JAK2: variants seen among roughly 807,000 people sequenced by gnomAD.
JAK2 encodes the protein Janus kinase 2.
JAK2 carries 86 observed loss-of-function variants against 139.3 expected under a neutral mutation model. The ratio of observed to expected loss-of-function variants is 0.62; its 90% CI spans 0.52 to 0.74. JAK2 has a LOEUF of 0.74. Ranked by LOEUF, JAK2 falls within the 30% of genes least tolerant of loss-of-function variation. The pLI is 0.00. For synonymous variants in JAK2, 490 were observed against 437.7 expected, an observed-to-expected ratio of 1.12 and a Z score of -1.49; for missense variants, 1,421 against 1,360.3, an observed-to-expected ratio of 1.04 and a Z score of -0.70.
intron 10 of JAK2, among the ~76,000 whole-genome samples, chr9:5,067,403 A>G (rs944270281): frequency 3.9e-5 from 6 of 152,272 alleles, no homozygotes; most frequent in African/African-American, 1.2e-4. Context: ...TATAAATCCT[A>G]AGAAACTATA....
intron 2 of JAK2, among the ~76,000 whole-genome samples, chr9:4,997,450 G>C (rs1349100174): frequency 6.6e-6 from 1 of 152,128 alleles, no homozygotes; most frequent in Non-Finnish European, 1.5e-5. Flanking sequence ...GAGAATGTGG[G>C]GAAGGTGCAC....
At chr9:5,038,669 C>A (rs1001542129) in intron 4 of JAK2, among the ~76,000 whole-genome samples, 2 of 149,488 alleles carry the variant, frequency 1.3e-5, no homozygotes, top group African/African-American at 2.5e-5. Context: ...ATATAAAAAT[C>A]TAAAGTCTGA....
At chr9:4,992,066 C>A (rs1820287887) in intron 2 of JAK2, among the ~76,000 whole-genome samples, 1 of 152,162 alleles carries the variant, frequency 6.6e-6, no homozygotes, top group Non-Finnish European at 1.5e-5. Flanking sequence ...TTTGTTTTTG[C>A]TCCACAATGG....
intron 8 of JAK2, among the ~76,000 whole-genome samples, chr9:5,064,472 G>A (rs1195576199): frequency 6.6e-6 from 1 of 151,546 alleles, no homozygotes; most frequent in African/African-American, 2.4e-5. Flanking sequence ...GGAGGTTGCA[G>A]TGAGCCAAGA....
At chr9:5,105,575 A>T (rs1295109064) in intron 22 of JAK2, among the ~76,000 whole-genome samples, 1 of 152,212 alleles carries the variant, frequency 6.6e-6, no homozygotes, top group Non-Finnish European at 1.5e-5. Flanking sequence ...TTTCAAGTTC[A>T]TATGGAACCA....
At chr9:5,083,515 A>G (rs1819861261) in intron 19 of JAK2, among the ~76,000 whole-genome samples, 1 of 152,166 alleles carries the variant, frequency 6.6e-6, no homozygotes, top group Admixed American at 6.5e-5. Context: ...TATAGCATTT[A>G]TTGTTTCTTT....
chr9:5,044,856 T>C (rs1490505149), intron 5 of JAK2, among the ~76,000 whole-genome samples: 1 of 152,196 alleles, frequency 6.6e-6, no homozygotes, highest in Admixed American at 6.5e-5. Flanking sequence ...ATTAGTAACA[T>C]TTCTTTATGG....
intron 22 of JAK2, chr9:5,112,862 C>A: frequency 2.2e-6 from 1 of 459,772 alleles, no homozygotes; most frequent in South Asian, 7.0e-5. Flanking sequence ...GGTACGCCTC[C>A]GTGGGACGAG....
At chr9:5,000,774 T>C (rs149202557) in intron 2 of JAK2, among the ~76,000 whole-genome samples, 2 of 152,214 alleles carry the variant, frequency 1.3e-5, no homozygotes, top group African/African-American at 4.8e-5. Flanking sequence ...TCTTGTTTGA[T>C]ATATTTGTAT....
intron 12 of JAK2, among the ~76,000 whole-genome samples, chr9:5,070,718 G>GA (rs538151917): frequency 3.9e-5 from 6 of 151,932 alleles, no homozygotes; most frequent in Non-Finnish European, 8.8e-5. Context: ...TGGATTTATT[G>GA]AAAAAAACCC....
intron 19 of JAK2, among the ~76,000 whole-genome samples, chr9:5,089,147 A>ATAAT (rs1198330498): frequency 6.6e-6 from 1 of 152,208 alleles, no homozygotes; most frequent in Non-Finnish European, 1.5e-5. Flanking sequence ...ATTTCAGCCT[A>ATAAT]TAATTCCTTT....
chr9:5,096,363 G>C (rs561612354), intron 22 of JAK2, among the ~76,000 whole-genome samples: 6 of 152,226 alleles, frequency 3.9e-5, no homozygotes, highest in African/African-American at 1.2e-4. Context: ...ACTCTATTCT[G>C]CATCAGTTGA....
intron 2 of JAK2, among the ~76,000 whole-genome samples, chr9:5,016,818 A>G (rs10974915): frequency 0.35 from 52,816 of 152,074 alleles, 9,822 homozygotes; most frequent in African/African-American, 0.49. Flanking sequence ...AAGAAATGGA[A>G]GGATATGGAA....
chr9:4,996,402 C>T (rs1015476258), intron 2 of JAK2, among the ~76,000 whole-genome samples: 8 of 151,812 alleles, frequency 5.3e-5, no homozygotes, highest in Non-Finnish European at 7.4e-5. Flanking sequence ...GAGCTGAGAT[C>T]GTGCCATTGC....
At chr9:5,041,463 T>C (rs1816504969) in intron 4 of JAK2, 9 of 609,274 alleles carry the variant, frequency 1.5e-5, no homozygotes, top group Non-Finnish European at 2.5e-5. Flanking sequence ...TGGCAGGGGC[T>C]CAAGGCTGAC....
At chr9:5,043,671 T>C (rs1041090811) in intron 4 of JAK2, among the ~76,000 whole-genome samples, 3 of 152,094 alleles carry the variant, frequency 2.0e-5, no homozygotes, top group Admixed American at 1.3e-4. Context: ...TTATTCACAA[T>C]AGAAAAATAA....
intron 22 of JAK2, among the ~76,000 whole-genome samples, chr9:5,118,686 A>T (rs994248265): frequency 1.3e-5 from 2 of 152,226 alleles, no homozygotes; most frequent in African/African-American, 4.8e-5. Flanking sequence ...TTGTTTGTGT[A>T]AGTGAGTGGA....
intron 2 of JAK2, among the ~76,000 whole-genome samples, chr9:5,011,937 G>C (rs747935176): frequency 2.0e-5 from 3 of 152,188 alleles, no homozygotes; most frequent in Admixed American, 2.0e-4. Context: ...ATATTTACCA[G>C]TTCCCTCTAA....
chr9:5,072,459 C>A, intron 12 of JAK2, 33 bp from the exon 13 acceptor site: 1 of 1,480,664 alleles, frequency 6.8e-7, no homozygotes, highest in Non-Finnish European at 9.0e-7. Context: ...TCCATCTTTA[C>A]TCATTCTTTT....
Sources: allele counts gnomAD v4.1 joint callset (sites outside exome capture counted in the v4.1 genomes callset), GRCh38; gene constraint gnomAD v4.1.1; transcripts MANE v1.5; gene names NCBI Gene and HGNC (gene_info 2026-07-23, HGNC 2026-07-21).